LRRC27: variants seen among roughly 807,000 people sequenced by gnomAD.
The protein encoded by LRRC27 is leucine rich repeat containing 27, also known as leucine-rich repeat-containing protein 27.
LRRC27 carries 57 observed loss-of-function variants against 55.0 expected under a neutral mutation model. The ratio of observed to expected loss-of-function variants is 1.04; its 90% CI spans 0.84 to 1.29. The LOEUF (loss-of-function observed/expected upper bound fraction) is 1.29, where lower values mean the gene tolerates loss of function less well. Ranked by LOEUF, LRRC27 falls within the 50% of genes most tolerant of loss-of-function variation. The pLI, the probability that LRRC27 is intolerant of heterozygous loss-of-function variation, is 0.00. For missense variants in LRRC27, 721 were observed against 651.5 expected (o/e 1.11, Z -1.16); for synonymous variants, 278 against 251.9 (o/e 1.10, Z -0.98).
In LRRC27 at chr10:132,379,646, A is replaced by G. The variant is rs2069386277; in HGVS notation, c.*4404A>G. The G allele has an allele frequency of 6.6e-6, 1 of 152,046 alleles. No homozygotes were observed. The highest frequency in any genetic ancestry group is 2.1e-4 in the South Asian group (1 of 4,822). The allele number at this position is 152,046 out of a possible 1,614,324, so 9.4% of individuals were successfully genotyped here. A position where few individuals can be genotyped will look rare whatever the true frequency, so the allele number is the denominator to read the frequency against. The stretch of plus-strand genomic sequence containing the variant: ...GTTTTTCAGGTCTAAGGTGTCTGGT[A>G]ATTTTTTGTGGATGCCGATTCTCTG... On this transcript the variant is annotated 3_prime_UTR_variant, in exon 11 of 11. Coordinates refer to ENST00000368614, the MANE Select transcript of LRRC27 (RefSeq NM_030626.3).
intron 9 of LRRC27, among the ~76,000 whole-genome samples, chr10:132,362,470 G>A (rs146434711): frequency 0.014 from 2,195 of 152,290 alleles, 43 homozygotes; most frequent in South Asian, 0.048. Flanking sequence ...GCTCCACAGT[G>A]CCTGGTGGAC....
chr10:132,349,949 C>T (rs1193791611), intron 6 of LRRC27, among the ~76,000 whole-genome samples: 1 of 152,180 alleles, frequency 6.6e-6, no homozygotes, highest in Admixed American at 6.5e-5. Flanking sequence ...GTCAGGTTGT[C>T]GTGGGGTCAC....
chr10:132,348,945 T>G lies in LRRC27; in HGVS notation c.926+589T>G. ...AGTGAGTTTGGGGGCCGAGATTTTA[T>G]TTTCCTTTCACACCCAGGACAAGGG... is the stretch of plus-strand genomic sequence containing the variant. On this transcript the variant is annotated intron_variant, in intron 6 of 10. Transcript: ENST00000368614. The surrounding 1 kb of genome is among the most constrained non-coding windows in gnomAD (Gnocchi z 4.2). The G allele has an allele frequency of 1.3e-6, 2 of 1,574,396 alleles. No homozygotes were observed. Among genetic ancestry groups the G allele is most frequent in the Non-Finnish European group, 1.7e-6 (2 of 1,155,706 alleles).
At chr10:132,364,506 T>C (rs2068883748) in intron 9 of LRRC27, among the ~76,000 whole-genome samples, 5 of 964 alleles carry the variant, frequency 5.2e-3, no homozygotes, top group Non-Finnish European at 6.1e-3. Flanking sequence ...CCCTTACATC[T>C]ACCTCCACAC....
intron 9 of LRRC27, among the ~76,000 whole-genome samples, chr10:132,364,784 GCCCACACTCACACCCA>G (rs1478386483): frequency 2.4e-3 from 9 of 3,750 alleles, no homozygotes; most frequent in Admixed American, 7.9e-3. Context: ...CTACCTCCAC[GCCCACACTCACACCCA>G]CCCACACTTA....
intron 1 of LRRC27, among the ~76,000 whole-genome samples, 163 bp from the exon 2 acceptor site, chr10:132,333,314 C>CTT (rs10690076): frequency 0.25 from 36,544 of 149,138 alleles, 4,653 homozygotes; most frequent in Middle Eastern, 0.33. Flanking sequence ...CTTTGTATTC[C>CTT]TTTTTTTTTT....
intron 10 of LRRC27, among the ~76,000 whole-genome samples, chr10:132,368,157 C>T (rs1352331010): frequency 6.6e-6 from 1 of 152,086 alleles, no homozygotes; most frequent in East Asian, 1.9e-4. Context: ...TATACAAAAT[C>T]TATATGAGGA....
At position 132,355,841 on chromosome 10, in the gene LRRC27, GAGGA is replaced by G. The variant is rs779391742; in HGVS notation, c.1132_1135del (p.Glu378SerfsTer23). 7.1e-6 allele frequency: 11 copies of G among 1,558,810 alleles called. No homozygotes were observed. The highest frequency in any genetic ancestry group is 1.7e-4 in the Middle Eastern group (1 of 6,026). On this transcript the variant is annotated frameshift_variant, in exon 8 of 11. Transcript: ENST00000368614. LOFTEE classifies it high-confidence loss of function. Reference sequence around the variant, plus strand: ...GAGAGCGAGCCCAGAGGATGAGGAAGAGGAAGGAAGAGCTCAGCAAACTCCTGCC... The same window carrying G: ...GAGAGCGAGCCCAGAGGATGAGGAAGAGGAAGAGCTCAGCAAACTCCTGCC...
chr10:132,336,986 G>A (rs960105894), intron 2 of LRRC27: 1 of 459,086 alleles, frequency 2.2e-6, no homozygotes, highest in Non-Finnish European at 2.9e-6. Context: ...TATTTGTCAC[G>A]ACTTTACAAC....
intron 2 of LRRC27, chr10:132,335,160 C>G (rs2067053826): frequency 6.6e-6 from 1 of 152,270 alleles, no homozygotes; most frequent in African/African-American, 2.4e-5. Flanking sequence ...GGAAGAAAGA[C>G]TTTTTAATGA....
chr10:132,346,452 G>A (rs12263558), intron 5 of LRRC27, among the ~76,000 whole-genome samples: 2,639 of 152,184 alleles, frequency 0.017, 67 homozygotes, highest in African/African-American at 0.061. Flanking sequence ...CGAGGCGGGC[G>A]GATCACGAGG....
rs2132895829 is a variant in LRRC27 at position 132,348,118 on chromosome 10, A to G, written c.688A>G (p.Ser230Gly). 2.5e-6 allele frequency: 4 copies of G among 1,614,140 alleles called. No homozygotes were observed. Among genetic ancestry groups the G allele is most frequent in the Middle Eastern group, 1.6e-4 (1 of 6,062 alleles). Residue 230 changes from serine to glycine, a missense_variant, in exon 6 of 11, where the codon AGC becomes GGC. Transcript: ENST00000368614. The surrounding 1 kb of genome is among the most constrained non-coding windows in gnomAD (Gnocchi z 4.2). ...PEGAVMKEKA[S>G]FLPPVEKPDL... is the part of the protein sequence containing the mutation. ...GGGGGCTGTGATGAAAGAGAAGGCCAGCTTTCTCCCACCTGTGGAAAAGCC... is the reference window on the plus strand; with the variant it reads ...GGGGGCTGTGATGAAAGAGAAGGCCGGCTTTCTCCCACCTGTGGAAAAGCC...
chr10:132,365,333 A>C, intron 9 of LRRC27, 91 bp from the exon 10 acceptor site: 2 of 1,544,936 alleles, frequency 1.3e-6, no homozygotes, highest in Non-Finnish European at 8.9e-7. Context: ...CTGGGAAGAA[A>C]GGCACATGCT....
At chr10:132,343,944 C>G (rs2067549153) in intron 4 of LRRC27, among the ~76,000 whole-genome samples, 1 of 151,724 alleles carries the variant, frequency 6.6e-6, no homozygotes, top group African/African-American at 2.4e-5. Context: ...TTTCCAAAGC[C>G]TCCAAGTTCA....
In LRRC27 at chr10:132,375,471, C is replaced by A. The variant is rs1161025826; in HGVS notation, c.*229C>A. Reference sequence around the variant, plus strand: ...AGGACACTGTGAGCACGTGGTCTCGCCTTCCCTTCTTCCTGCAGGTTCCCG... The same window carrying A: ...AGGACACTGTGAGCACGTGGTCTCGACTTCCCTTCTTCCTGCAGGTTCCCG... On this transcript the variant is annotated 3_prime_UTR_variant, in exon 11 of 11. Transcript: ENST00000368614. 8.9e-6 allele frequency: 4 copies of A among 450,180 alleles called. No homozygotes were observed. Among genetic ancestry groups the A allele is most frequent in the Non-Finnish European group, 1.6e-5 (4 of 253,156 alleles). The allele number at this position is 450,180 out of a possible 1,614,324, so 27.9% of individuals were successfully genotyped here.
At position 132,375,201 on chromosome 10, in the gene LRRC27, A is replaced by G; in HGVS notation, c.1552A>G (p.Thr518Ala). The change falls in exon 11 of 11, where the codon ACA becomes GCA. Residue 518 changes from threonine (T) to alanine (A), a missense_variant. Transcript: ENST00000368614. The part of the protein sequence containing the change: ...AAQPQNTFFN[T>A]KYGESGNVRR... The stretch of plus-strand genomic sequence containing the variant: ...ACAGCCTCAAAATACATTTTTTAAC[A>G]CAAAATATGGAGAATCAGGAAATGT... 6.2e-7 allele frequency: 1 copy of G among 1,613,996 alleles called. No individual in the cohort carries two copies. Among genetic ancestry groups the G allele is most frequent in the Admixed American group, 1.7e-5 (1 of 60,010 alleles).
At chr10:132,334,671 A>G (rs2067031145) in intron 2 of LRRC27, among the ~76,000 whole-genome samples, 1 of 152,148 alleles carries the variant, frequency 6.6e-6, no homozygotes, top group African/African-American at 2.4e-5. Flanking sequence ...TCTTTCCTTC[A>G]TGCTGACATC....
At chr10:132,368,121 G>A (rs909085264) in intron 10 of LRRC27, among the ~76,000 whole-genome samples, 1 of 152,082 alleles carries the variant, frequency 6.6e-6, no homozygotes, top group South Asian at 2.1e-4. Flanking sequence ...CAAAACAATG[G>A]TACTAAGTAA....
rs1314433385 is a variant in LRRC27, at chr10:132,381,204, T to G, written c.*5962T>G. ...GCAGGCAGAAGAAGGTGGCTGAAGCTGACTGGCTGAGTCTTCTGGCCTTCA... is the reference window on the plus strand; with the variant it reads ...GCAGGCAGAAGAAGGTGGCTGAAGCGGACTGGCTGAGTCTTCTGGCCTTCA... On this transcript the variant is annotated 3_prime_UTR_variant, in exon 11 of 11. Transcript: ENST00000368614. Among the ~76,000 whole-genome samples the G allele has an allele frequency of 6.6e-6, 1 of 152,242 alleles. No homozygotes were observed. Among genetic ancestry groups the G allele is most frequent in the African/African-American group, 2.4e-5 (1 of 41,460 alleles).
Sources: gnomAD v4.1 joint callset for allele counts (sites outside exome capture counted in the v4.1 genomes callset) on GRCh38, gnomAD v4.1.1 for gene constraint, Gnocchi (gnomAD v3.1) non-coding constraint, MANE v1.5 for transcripts, NCBI Gene and HGNC (gene_info 2026-07-23, HGNC 2026-07-21) for gene names.